CPEB1: variants seen among roughly 807,000 people sequenced by gnomAD.
CPEB1 encodes the protein cytoplasmic polyadenylation element binding protein 1, also known as cytoplasmic polyadenylation element-binding protein 1.
A neutral mutation model predicts 65.8 loss-of-function variants in CPEB1; 7 were observed. The ratio of observed to expected loss-of-function variants is 0.11; its 90% confidence interval spans 0.06 to 0.20. The LOEUF is 0.20. Ranked by LOEUF, CPEB1 falls within the 10% of genes least tolerant of loss-of-function variation. The pLI, the probability that CPEB1 is intolerant of heterozygous loss-of-function variation, is 1.00. For missense variants in CPEB1, 551 were observed against 712.2 expected (o/e 0.77, Z 2.58); for synonymous variants, 262 against 260.0 (o/e 1.01, Z -0.08).
intron 3 of CPEB1, among the ~76,000 whole-genome samples, chr15:82,590,515 G>A (rs2042162510): frequency 1.3e-5 from 2 of 152,066 alleles, no homozygotes; most frequent in Non-Finnish European, 2.9e-5. Flanking sequence ...ACTCTCTGGG[G>A]ATTTTTTTTT....
rs783544 is a variant in CPEB1 at position 82,571,543 on chromosome 15, A to C, written c.272-11T>G. On this transcript the variant is annotated splice_polypyrimidine_tract_variant and intron_variant, in intron 3 of 12. Transcript: ENST00000684509. ...CAGAGTCCTGGAAGTCTGTTTTGGA[A>C]AGGAGCACAGCAGAAACCTCAGAGT... The C allele has an allele frequency of 0.76, 1,219,244 of 1,611,266 alleles. 464,467 individuals are homozygous for C. The highest frequency in any genetic ancestry group is 0.96 in the African/African-American group (71,627 of 75,002).
At chr15:82,603,302 C>T (rs1034458427) in intron 3 of CPEB1, among the ~76,000 whole-genome samples, 7 of 151,920 alleles carry the variant, frequency 4.6e-5, no homozygotes, top group African/African-American at 1.7e-4. Context: ...TTGTATTTGA[C>T]CTACCTCCGA....
intron 4 of CPEB1, among the ~76,000 whole-genome samples, chr15:82,561,388 C>G (rs1276068447): frequency 6.6e-6 from 1 of 152,082 alleles, no homozygotes; most frequent in African/African-American, 2.4e-5. Context: ...AAAAAGAAAG[C>G]CAGTTTGTTA....
At chr15:82,632,126 C>G (rs910474043) in intron 1 of CPEB1, among the ~76,000 whole-genome samples, 1 of 151,448 alleles carries the variant, frequency 6.6e-6, no homozygotes, top group African/African-American at 2.4e-5. Flanking sequence ...GGACTACATA[C>G]GCCCGCCACC....
intron 3 of CPEB1, among the ~76,000 whole-genome samples, chr15:82,623,102 G>A (rs777891588): frequency 2.0e-5 from 3 of 152,076 alleles, no homozygotes; most frequent in Non-Finnish European, 4.4e-5. Context: ...CAATTCTGGA[G>A]CAACAGAAAA....
chr15:82,578,639 C>CCCA (rs1482780062), intron 3 of CPEB1, among the ~76,000 whole-genome samples: 1 of 151,934 alleles, frequency 6.6e-6, no homozygotes. Flanking sequence ...CACCTGTAGT[C>CCCA]CCAGCTACTC....
At chr15:82,637,491 G>C (rs2046757759) in intron 1 of CPEB1, among the ~76,000 whole-genome samples, 1 of 152,006 alleles carries the variant, frequency 6.6e-6, no homozygotes, top group Non-Finnish European at 1.5e-5. Flanking sequence ...CCCTCTAGTA[G>C]CCAGCCTGTC....
intron 5 of CPEB1, chr15:82,556,347 C>T (rs1485552972): frequency 8.1e-6 from 4 of 492,350 alleles, no homozygotes; most frequent in African/African-American, 2.0e-5. Flanking sequence ...GTCTTTATAA[C>T]CATTTAAAAT....
At chr15:82,589,086 A>G (rs1008270375) in intron 3 of CPEB1, among the ~76,000 whole-genome samples, 1 of 152,176 alleles carries the variant, frequency 6.6e-6, no homozygotes, top group African/African-American at 2.4e-5. Context: ...TGTCTCTATT[A>G]TTACCATACT....
intron 3 of CPEB1, among the ~76,000 whole-genome samples, chr15:82,591,922 C>A (rs1368068578): frequency 6.6e-6 from 1 of 151,228 alleles, no homozygotes; most frequent in Non-Finnish European, 1.5e-5. Flanking sequence ...TGGCTCACTG[C>A]AACCTCCACT....
chr15:82,565,246 C>CT (rs1380067843), intron 4 of CPEB1, among the ~76,000 whole-genome samples: 17 of 152,270 alleles, frequency 1.1e-4, no homozygotes, highest in African/African-American at 3.9e-4. Context: ...AGGCAGTTCT[C>CT]TGAGTGTCTA....
intron 1 of CPEB1, among the ~76,000 whole-genome samples, chr15:82,645,949 C>T (rs1232183603): frequency 2.0e-5 from 3 of 152,048 alleles, no homozygotes; most frequent in African/African-American, 7.2e-5. Flanking sequence ...TACAGTTCAG[C>T]TCCAAGCCAG....
intron 12 of CPEB1, among the ~76,000 whole-genome samples, chr15:82,545,101 C>T (rs1382766742): frequency 2.0e-5 from 3 of 152,190 alleles, no homozygotes; most frequent in Admixed American, 6.5e-5. Flanking sequence ...TAGGCAACAT[C>T]CTGCTTTCTT....
At chr15:82,630,021 C>T in intron 1 of CPEB1, 1 of 985,366 alleles carries the variant, frequency 1.0e-6, no homozygotes, top group Non-Finnish European at 1.2e-6. Flanking sequence ...AATCCAGTGA[C>T]ACACAAGGCC....
chr15:82,605,105 T>C (rs2151210500), intron 3 of CPEB1, among the ~76,000 whole-genome samples: 1 of 151,994 alleles, frequency 6.6e-6, no homozygotes, highest in African/African-American at 2.4e-5. Flanking sequence ...ACTGAGGGAG[T>C]TAAAAGAAGA....
intron 2 of CPEB1, chr15:82,628,120 A>T (rs986657740): frequency 1.5e-6 from 1 of 681,090 alleles, no homozygotes; most frequent in Admixed American, 2.2e-5. Context: ...AGGTCATGAA[A>T]GTCTAGAAGA....
At chr15:82,644,325 A>G (rs1391167811) in intron 1 of CPEB1, among the ~76,000 whole-genome samples, 1 of 152,216 alleles carries the variant, frequency 6.6e-6, no homozygotes, top group African/African-American at 2.4e-5. Context: ...ATCCTTTGAC[A>G]TAACAGAACA....
rs186757614 is a variant in CPEB1, at chr15:82,597,136, G to A, written c.272-25604C>T. On this transcript the variant is annotated intron_variant, in intron 3 of 12. Transcript: ENST00000684509. ...GCCCAGGAGTTCAAGCTCAGACTGG[G>A]CAACACAGGGAGACCCTATCTCTAC... Among the ~76,000 whole-genome samples, 8 of 152,292 alleles carry A rather than the reference G, an allele frequency of 5.3e-5. No individual in the cohort carries two copies. In the East Asian group the frequency reaches 7.7e-4, roughly 15 times the overall value.
At chr15:82,634,216 T>C (rs1299633430) in intron 1 of CPEB1, among the ~76,000 whole-genome samples, 2 of 151,436 alleles carry the variant, frequency 1.3e-5, no homozygotes, top group Admixed American at 1.3e-4. Flanking sequence ...GGTTCAGAAG[T>C]ATCACTCATA....
Sources: allele counts gnomAD v4.1 joint callset (sites outside exome capture counted in the v4.1 genomes callset), GRCh38; gene constraint gnomAD v4.1.1; transcripts MANE v1.5; gene names NCBI Gene and HGNC (gene_info 2026-07-23, HGNC 2026-07-21).